The following RHOBTB1 variants were observed in gnomAD, a reference collection of about 807,000 sequenced individuals.
The protein encoded by RHOBTB1 is rho-related BTB domain-containing protein 1.
Under a neutral mutation model 71.6 loss-of-function variants are expected in RHOBTB1, and 40 were observed. The ratio of observed to expected loss-of-function variants is 0.56; its 90% CI spans 0.43 to 0.73. The LOEUF (loss-of-function observed/expected upper bound fraction) is 0.73, where lower values mean the gene tolerates loss of function less well. Ranked by LOEUF, RHOBTB1 falls within the 30% of genes least tolerant of loss-of-function variation. The pLI is 0.00. For synonymous variants in RHOBTB1, 319 were observed against 334.9 expected (o/e 0.95, Z 0.52); for missense variants, 797 against 894.0 (o/e 0.89, Z 1.38).
rs572356934 is a variant in RHOBTB1 at position 60,941,968 on chromosome 10, A to G, written c.-61-114T>C. ...CTCTTTTTCCCCCGAGAAAGGGAAG[A>G]ATCTGCTTTACTTTTGCTAAGTGCC... On this transcript the variant is annotated intron_variant, in intron 1 of 10. Coordinates refer to ENST00000337910, the MANE Select transcript of RHOBTB1 (RefSeq NM_014836.5). The G allele has an allele frequency of 3.3e-5, 5 of 152,206 alleles. No homozygotes were observed. The South Asian group carries it at 1.0e-3, about 32-fold the overall frequency. 9.4% of individuals were successfully genotyped at this position (152,206 alleles called of 1,614,324 possible).
chr10:60,880,317 G>T (rs2081273518), intron 7 of RHOBTB1, among the ~76,000 whole-genome samples: 1 of 151,368 alleles, frequency 6.6e-6, no homozygotes, highest in Admixed American at 6.6e-5. Flanking sequence ...CATTCTACAA[G>T]GTGCTTATGG....
intron 4 of RHOBTB1, among the ~76,000 whole-genome samples, chr10:60,896,472 A>C (rs758160917): frequency 1.3e-5 from 2 of 152,258 alleles, no homozygotes; most frequent in Non-Finnish European, 2.9e-5. Flanking sequence ...AAAAAGCATA[A>C]GAATTCGAGA....
chr10:60,992,743 T>G (rs1360256550), intron 1 of RHOBTB1, among the ~76,000 whole-genome samples: 3 of 152,198 alleles, frequency 2.0e-5, no homozygotes, highest in Non-Finnish European at 4.4e-5. Context: ...TCTGCAATTA[T>G]GAGAGTAAAA....
At chr10:60,905,449 C>CAAAAAAAA (rs35538782) in intron 4 of RHOBTB1, among the ~76,000 whole-genome samples, 2 of 48,990 alleles carry the variant, frequency 4.1e-5, no homozygotes, top group African/African-American at 7.8e-5. Context: ...GACTCTTTCT[C>CAAAAAAAA]AAAAAAAAAA....
At chr10:60,998,811 A>G (rs945057524) in intron 1 of RHOBTB1, among the ~76,000 whole-genome samples, 1 of 152,236 alleles carries the variant, frequency 6.6e-6, no homozygotes, top group Non-Finnish European at 1.5e-5. Context: ...ATGGCTAATT[A>G]ATAGAAGAAC....
At chr10:60,890,358 A>G (rs992966022) in intron 5 of RHOBTB1, among the ~76,000 whole-genome samples, 1 of 152,006 alleles carries the variant, frequency 6.6e-6, no homozygotes, top group African/African-American at 2.4e-5. Flanking sequence ...TACATAACAC[A>G]ACTATGACCT....
At chr10:60,873,424 G>A (rs2132209426) in intron 9 of RHOBTB1, among the ~76,000 whole-genome samples, 1 of 152,274 alleles carries the variant, frequency 6.6e-6, no homozygotes, top group East Asian at 1.9e-4. Flanking sequence ...CTAGGTTAGG[G>A]TCTAATGAAT....
intron 1 of RHOBTB1, among the ~76,000 whole-genome samples, chr10:60,988,246 C>A (rs1172640147): frequency 6.6e-6 from 1 of 152,018 alleles, no homozygotes; most frequent in African/African-American, 2.4e-5. Flanking sequence ...AAATACTCAA[C>A]TTTTAACACA....
At chr10:60,920,220 C>A (rs948597059) in intron 2 of RHOBTB1, among the ~76,000 whole-genome samples, 1 of 152,062 alleles carries the variant, frequency 6.6e-6, no homozygotes, top group Admixed American at 6.6e-5. Flanking sequence ...TATAGGTGTA[C>A]AGTGAAAAGC....
upstream of RHOBTB1, among the ~76,000 whole-genome samples, chr10:60,944,437 T>C (rs1211144070): frequency 1.3e-5 from 2 of 152,112 alleles, no homozygotes; most frequent in Admixed American, 6.5e-5. Flanking sequence ...GTTCCTCGGC[T>C]CTACGCAGAC....
chr10:60,957,032 T>C (rs564822998), intron 2 of RHOBTB1, among the ~76,000 whole-genome samples: 1 of 152,358 alleles, frequency 6.6e-6, no homozygotes, highest in Non-Finnish European at 1.5e-5. Flanking sequence ...TTAAACATTT[T>C]GCTATATTTA....
At chr10:60,876,480 T>C (rs1191991624) in intron 8 of RHOBTB1, among the ~76,000 whole-genome samples, 1 of 152,228 alleles carries the variant, frequency 6.6e-6, no homozygotes, top group Admixed American at 6.5e-5. Flanking sequence ...GGTACTAGTC[T>C]GAGATTGATC....
At chr10:60,912,200 T>C (rs941950136) in intron 2 of RHOBTB1, among the ~76,000 whole-genome samples, 2 of 147,114 alleles carry the variant, frequency 1.4e-5, no homozygotes, top group Non-Finnish European at 3.0e-5. Context: ...TATATGTGTG[T>C]GTGTATATAT....
chr10:60,984,651 A>C (rs2086605029), intron 2 of RHOBTB1, among the ~76,000 whole-genome samples: 1 of 152,190 alleles, frequency 6.6e-6, no homozygotes, highest in Admixed American at 6.5e-5. Context: ...GGATCAGCAA[A>C]TTTTATTCTT....
chr10:60,908,926 C>T (rs902249771), intron 4 of RHOBTB1, among the ~76,000 whole-genome samples: 4 of 152,150 alleles, frequency 2.6e-5, no homozygotes, highest in Non-Finnish European at 5.9e-5. Flanking sequence ...CAATGTTGCT[C>T]AGAGAATCAA....
intron 2 of RHOBTB1, among the ~76,000 whole-genome samples, chr10:60,924,778 T>C (rs2083772959): frequency 6.6e-6 from 1 of 152,166 alleles, no homozygotes; most frequent in African/African-American, 2.4e-5. Flanking sequence ...TTTTAAAAAA[T>C]TATATCCAGT....
intron 1 of RHOBTB1, among the ~76,000 whole-genome samples, chr10:60,997,245 A>T (rs1228579355): frequency 6.6e-6 from 1 of 152,208 alleles, no homozygotes; most frequent in East Asian, 1.9e-4. Context: ...ATCTGGGGAA[A>T]TTAAAAAGAT....
chr10:60,937,136 T>C (rs960358678), intron 2 of RHOBTB1, among the ~76,000 whole-genome samples: 2 of 152,168 alleles, frequency 1.3e-5, no homozygotes, highest in Non-Finnish European at 2.9e-5. Context: ...GAATTGGATG[T>C]GTTGGCAAGG....
At chr10:60,901,269 G>T (rs1209571227) in intron 4 of RHOBTB1, among the ~76,000 whole-genome samples, 1 of 152,182 alleles carries the variant, frequency 6.6e-6, no homozygotes, top group Admixed American at 6.5e-5. Context: ...GAATAAAGTG[G>T]TGGACTAATT....
Sources: gnomAD v4.1 joint callset for allele counts (sites outside exome capture counted in the v4.1 genomes callset) on GRCh38, gnomAD v4.1.1 for gene constraint, MANE v1.5 for transcripts, NCBI Gene and HGNC (gene_info 2026-07-23, HGNC 2026-07-21) for gene names.